PDSS2: variants seen among roughly 807,000 people sequenced by gnomAD.
The protein encoded by PDSS2 is decaprenyl diphosphate synthase subunit 2, also known as all trans-polyprenyl-diphosphate synthase PDSS2.
Under a neutral mutation model 44.5 loss-of-function variants are expected in PDSS2, and 31 were observed. The ratio of observed to expected loss-of-function variants is 0.70; its 90% CI spans 0.52 to 0.94. The LOEUF (loss-of-function observed/expected upper bound fraction) is 0.94, where lower values mean the gene tolerates loss of function less well. PDSS2 is among the 40% of genes least tolerant of loss of function. The pLI, the probability that PDSS2 is intolerant of heterozygous loss-of-function variation, is 0.00. For synonymous variants in PDSS2, 157 were observed against 180.3 expected (o/e 0.87, Z 1.03); for missense variants, 452 against 482.2 (o/e 0.94, Z 0.59).
chr6:107,268,612 T>C (rs930047994), intron 3 of PDSS2, among the ~76,000 whole-genome samples: 1 of 152,212 alleles, frequency 6.6e-6, no homozygotes, highest in African/African-American at 2.4e-5. Context: ...GTTTAATCCA[T>C]TTCTTAGACA....
intron 4 of PDSS2, among the ~76,000 whole-genome samples, chr6:107,225,139 ATATATATATATATATATATATATTT>A (rs1773750419): frequency 2.8e-5 from 1 of 35,544 alleles, no homozygotes; most frequent in Non-Finnish European, 4.6e-5. Flanking sequence ...ATATATTTTT[ATATATATATATATATATATATATTT>A]TTTTTTTTTT....
At chr6:107,158,188 T>C (rs1306280470) in intron 7 of PDSS2, among the ~76,000 whole-genome samples, 2 of 39,726 alleles carry the variant, frequency 5.0e-5, no homozygotes, top group Non-Finnish European at 1.6e-4. Flanking sequence ...TTTTCTTTCT[T>C]TTTTTTTTTT....
chr6:107,453,659 T>C (rs1377194926), intron 1 of PDSS2, among the ~76,000 whole-genome samples: 1 of 152,190 alleles, frequency 6.6e-6, no homozygotes, highest in Non-Finnish European at 1.5e-5. Context: ...CCTCAACCCA[T>C]GCTTTCTTTT....
intron 7 of PDSS2, among the ~76,000 whole-genome samples, chr6:107,180,551 A>G (rs1771937253): frequency 6.6e-6 from 1 of 152,202 alleles, no homozygotes; most frequent in African/African-American, 2.4e-5. Context: ...ACAGTCAGTC[A>G]ACAAATATTT....
chr6:107,209,260 A>G (rs1372146767), intron 6 of PDSS2, among the ~76,000 whole-genome samples: 2 of 151,988 alleles, frequency 1.3e-5, no homozygotes, highest in Non-Finnish European at 2.9e-5. Context: ...CTCTTTTCCT[A>G]TTCTGCTTCA....
intron 3 of PDSS2, among the ~76,000 whole-genome samples, chr6:107,254,451 A>G (rs1017519053): frequency 1.3e-5 from 2 of 152,232 alleles, no homozygotes; most frequent in African/African-American, 2.4e-5. Flanking sequence ...TATAAAAACT[A>G]TAATAAATAG....
intron 1 of PDSS2, among the ~76,000 whole-genome samples, chr6:107,396,181 T>C (rs895832727): frequency 6.6e-6 from 1 of 152,202 alleles, no homozygotes; most frequent in Non-Finnish European, 1.5e-5. Flanking sequence ...TACCCATATA[T>C]AGGACTCAAA....
chr6:107,340,873 T>C (rs1224706758), intron 1 of PDSS2, among the ~76,000 whole-genome samples: 1 of 152,126 alleles, frequency 6.6e-6, no homozygotes, highest in Non-Finnish European at 1.5e-5. Flanking sequence ...GGGCTACCCA[T>C]TTGGGCAATG....
chr6:107,189,333 TA>T (rs939996080), intron 7 of PDSS2, among the ~76,000 whole-genome samples: 2 of 151,958 alleles, frequency 1.3e-5, no homozygotes, highest in African/African-American at 2.4e-5. Context: ...CCCAGACATA[TA>T]TTTTTTTTCT....
intron 3 of PDSS2, among the ~76,000 whole-genome samples, chr6:107,268,284 A>G (rs1165157026): frequency 6.6e-6 from 1 of 152,210 alleles, no homozygotes; most frequent in East Asian, 1.9e-4. Context: ...ATAATTTATC[A>G]TGCAAACTGG....
chr6:107,451,753 G>A (rs181529025), intron 1 of PDSS2, among the ~76,000 whole-genome samples: 110 of 152,184 alleles, frequency 7.2e-4, no homozygotes, highest in African/African-American at 2.4e-3. Flanking sequence ...TAAATAGGGC[G>A]GGTTCCCAGA....
intron 1 of PDSS2, among the ~76,000 whole-genome samples, chr6:107,344,625 G>A (rs889042063): frequency 6.6e-6 from 1 of 152,144 alleles, no homozygotes; most frequent in Non-Finnish European, 1.5e-5. Context: ...CAGAAGACAG[G>A]TGCCTGGAAG....
At chr6:107,245,862 T>A (rs891014614) in intron 3 of PDSS2, among the ~76,000 whole-genome samples, 9 of 152,196 alleles carry the variant, frequency 5.9e-5, no homozygotes, top group African/African-American at 2.2e-4. Context: ...TTAACTAATA[T>A]ACATGAAAAT....
At chr6:107,265,063 T>G (rs1775369709) in intron 3 of PDSS2, among the ~76,000 whole-genome samples, 1 of 152,224 alleles carries the variant, frequency 6.6e-6, no homozygotes, top group South Asian at 2.1e-4. Flanking sequence ...TTAATTTGCA[T>G]TTATGTGACT....
At chr6:107,180,442 G>A (rs1771933276) in intron 7 of PDSS2, among the ~76,000 whole-genome samples, 1 of 152,208 alleles carries the variant, frequency 6.6e-6, no homozygotes, top group Non-Finnish European at 1.5e-5. Context: ...GGGGATATAA[G>A]AGGAACAAAG....
chr6:107,208,881 A>T (rs1773103281), intron 6 of PDSS2, among the ~76,000 whole-genome samples: 1 of 152,036 alleles, frequency 6.6e-6, no homozygotes, highest in African/African-American at 2.4e-5. Flanking sequence ...CTCTTAATAG[A>T]TACAAGGTTT....
intron 1 of PDSS2, among the ~76,000 whole-genome samples, chr6:107,386,378 C>T (rs1779610859): frequency 1.0e-5 from 1 of 95,650 alleles, no homozygotes. Flanking sequence ...ATGTCATTTT[C>T]TAAAAAAAAA....
chr6:107,302,641 A>G (rs1776733343), intron 2 of PDSS2, among the ~76,000 whole-genome samples: 1 of 152,142 alleles, frequency 6.6e-6, no homozygotes, highest in Non-Finnish European at 1.5e-5. Flanking sequence ...ATAAAGACTT[A>G]GGGAGTCTTT....
At chr6:107,166,539 T>C (rs1771357500) in intron 7 of PDSS2, among the ~76,000 whole-genome samples, 1 of 152,050 alleles carries the variant, frequency 6.6e-6, no homozygotes, top group African/African-American at 2.4e-5. Flanking sequence ...TATTTTTTTG[T>C]ATTTTTAGTA....
Sources: allele counts gnomAD v4.1 joint callset (sites outside exome capture counted in the v4.1 genomes callset), GRCh38; gene constraint gnomAD v4.1.1; transcripts MANE v1.5; gene names NCBI Gene and HGNC (gene_info 2026-07-23, HGNC 2026-07-21).